The following OR51E2 variants were observed in gnomAD, a reference collection of about 807,000 sequenced individuals.
The protein encoded by OR51E2 is olfactory receptor 51E2.
Under a neutral mutation model 13.7 loss-of-function variants are expected in OR51E2, and 14 were observed. The observed-to-expected ratio is 1.02, with a 90% CI of 0.68 to 1.60. The LOEUF is 1.60. Among genes scored for constraint, OR51E2 ranks in the 40% most tolerant of loss-of-function variants. The probability of loss-of-function intolerance (pLI) is 0.00; values close to 1 mark genes in which losing one functional copy is unlikely to be tolerated. For synonymous variants in OR51E2, 180 were observed against 157.6 expected, an observed-to-expected ratio of 1.14 and a Z score of -1.07; for missense variants, 483 against 413.8, an observed-to-expected ratio of 1.17 and a Z score of -1.45.
At chr11:4,687,995 T>C (rs913925904) in intron 1 of OR51E2, among the ~76,000 whole-genome samples, 1 of 152,060 alleles carries the variant, frequency 6.6e-6, no homozygotes, top group Non-Finnish European at 1.5e-5. Flanking sequence ...GGGGAAGCAA[T>C]GAAGCTTAAG....
Position 4,681,360 on chromosome 11 carries a change from A to AT in OR51E2, c.*388_*389insA, listed in dbSNP as rs1847448005. 2 of 197,764 alleles carry AT rather than the reference A, an allele frequency of 1.0e-5. No homozygotes were observed. Among genetic ancestry groups the AT allele is most frequent in the Non-Finnish European group, 2.1e-5 (2 of 96,264 alleles). 12.3% of individuals were successfully genotyped at this position (197,764 alleles called of 1,614,324 possible). A position where few individuals can be genotyped will look rare whatever the true frequency, so the allele number is the denominator to read the frequency against. On this transcript the variant is annotated 3_prime_UTR_variant, in exon 2 of 2. Transcript: ENST00000396950. ...AGCGAGACCCCATCTCAAAAAAAAA[A>AT]AAAGTTGTATGTGACAGCTAACCAT...
chr11:4,687,849 G>A (rs919447100), intron 1 of OR51E2, among the ~76,000 whole-genome samples: 2 of 152,172 alleles, frequency 1.3e-5, no homozygotes, highest in Non-Finnish European at 2.9e-5. Context: ...CTGAAGGAGA[G>A]CCCCTTCTAT....
chr11:4,691,044 T>C (rs773816362), intron 1 of OR51E2: 1 of 456,590 alleles, frequency 2.2e-6, no homozygotes, highest in South Asian at 1.5e-5. Flanking sequence ...GATCAAAACA[T>C]AAGAAAGGAG....
intron 1 of OR51E2, among the ~76,000 whole-genome samples, chr11:4,695,331 G>C (rs1341021563): frequency 2.0e-5 from 3 of 151,910 alleles, no homozygotes; most frequent in South Asian, 2.1e-4. Context: ...TTGCTTTTTT[G>C]AAGTCTGCAA....
In OR51E2 at chr11:4,682,230, A is replaced by G. The variant is rs772658530; in HGVS notation, c.482T>C (p.Leu161Pro). ...GTGGCAGAAGGCCAGCCGCTTGATC[A>G]GCAGAGGCAGTGGGAAAAAAAAGAG... Reference protein sequence around the residue: ...GSLFFFPLPLLIKRLAFCHSN... With the variant: ...GSLFFFPLPLPIKRLAFCHSN... The change falls in exon 2 of 2, where the codon CTG becomes CCG. Residue 161 changes from leucine to proline, a missense_variant. By Grantham distance (98) the Leu-to-Pro change is moderately conservative (BLOSUM62 -3). Transcript: ENST00000396950. 10 of 1,614,188 alleles carry G rather than the reference A, an allele frequency of 6.2e-6. No individual in the cohort carries two copies. In the Admixed American group the frequency reaches 1.7e-4, roughly 27 times the overall value.
rs78028833 is a variant in OR51E2, at chr11:4,684,724, A to G, written c.-50-1963T>C. 3.0e-4 allele frequency among the ~76,000 whole-genome samples: 46 copies of G among 152,264 alleles called. No individual in the cohort carries two copies. In the East Asian group the frequency reaches 8.5e-3, roughly 28 times the overall value. ...TACCTGCACATGCTTACTCGAGTAT[A>G]GGACTTTAGGCTATCATCTCATTTC... On this transcript the variant is annotated intron_variant, in intron 1 of 1. Transcript: ENST00000396950.
At chr11:4,694,760 G>C (rs1847635941) in intron 1 of OR51E2, among the ~76,000 whole-genome samples, 1 of 152,074 alleles carries the variant, frequency 6.6e-6, no homozygotes, top group African/African-American at 2.4e-5. Flanking sequence ...ATAAGGATAG[G>C]ATGTATCTAA....
At chr11:4,692,081 G>A in intron 1 of OR51E2, 1 of 417,650 alleles carries the variant, frequency 2.4e-6, no homozygotes, top group East Asian at 7.1e-5. Flanking sequence ...TTGTGCTAAA[G>A]AGGTAGTGCA....
At position 4,697,077 on chromosome 11, in the gene OR51E2, G is replaced by A. The variant is rs1191847738; in HGVS notation, c.-51+576C>T. On this transcript the variant is annotated intron_variant, in intron 1 of 1. Transcript: ENST00000396950. The stretch of plus-strand genomic sequence containing the variant: ...TGTCATCATGTGACAAGTATTATTA[G>A]ATTCACTTTAAATTCATTTTTCTGG... Among the ~76,000 whole-genome samples the A allele has an allele frequency of 2.0e-5, 3 of 152,282 alleles. No individual in the cohort carries two copies. In the East Asian group the frequency reaches 5.8e-4, roughly 29 times the overall value.
intron 1 of OR51E2, among the ~76,000 whole-genome samples, chr11:4,687,050 C>T (rs1847525076): frequency 1.3e-5 from 2 of 152,038 alleles, no homozygotes; most frequent in Non-Finnish European, 2.9e-5. Flanking sequence ...TATCTCCATC[C>T]TTTTCCTTCA....
chr11:4,691,600 A>T (rs1486574606), intron 1 of OR51E2: 4 of 455,472 alleles, frequency 8.8e-6, no homozygotes, highest in South Asian at 6.2e-5. Context: ...ACAGAGAGGA[A>T]GCAGAAGGGA....
chr11:4,692,593 A>G (rs1405994046), intron 1 of OR51E2, among the ~76,000 whole-genome samples: 1 of 152,186 alleles, frequency 6.6e-6, no homozygotes, highest in Non-Finnish European at 1.5e-5. Flanking sequence ...AGAATTGCAG[A>G]AAGGTAGATA....
At chr11:4,691,287 G>T (rs540475066) in intron 1 of OR51E2, 26 of 457,110 alleles carry the variant, frequency 5.7e-5, no homozygotes, top group Non-Finnish European at 1.1e-4. Flanking sequence ...TCTGGAGTCA[G>T]TTAAAATCAT....
chr11:4,689,067 A>G (rs1168273079), intron 1 of OR51E2, among the ~76,000 whole-genome samples: 1 of 152,224 alleles, frequency 6.6e-6, no homozygotes, highest in Non-Finnish European at 1.5e-5. Context: ...TTTTGTCAGC[A>G]TAGAGATGGT....
rs1280940223 is a variant in OR51E2 at position 4,682,100 on chromosome 11, C to T, written c.612G>A (p.Leu204=). 1.2e-6 allele frequency: 2 copies of T among 1,614,086 alleles called. No homozygotes were observed. Among genetic ancestry groups the T allele is most frequent in the South Asian group, 2.2e-5 (2 of 91,084 alleles). The change falls in exon 2 of 2, where the codon CTG becomes CTA. Residue 204 remains leucine, a synonymous_variant. Coordinates refer to ENST00000396950, the MANE Select transcript of OR51E2 (RefSeq NM_030774.4). Reference sequence around the variant, plus strand: ...TGAACATTACGTCCACGCCCATGACCAGCAGAATGGCAGTAAGACCATATA... The same window carrying T: ...TGAACATTACGTCCACGCCCATGACTAGCAGAATGGCAGTAAGACCATATA... ...NVVYGLTAIL[L]VMGVDVMFIS...
At chr11:4,696,985 A>G (rs1847663320) in intron 1 of OR51E2, among the ~76,000 whole-genome samples, 1 of 152,238 alleles carries the variant, frequency 6.6e-6, no homozygotes, top group South Asian at 2.1e-4. Context: ...GCTACCATTT[A>G]CTGGACACGT....
At chr11:4,696,209 A>C (rs1847654142) in intron 1 of OR51E2, among the ~76,000 whole-genome samples, 1 of 152,192 alleles carries the variant, frequency 6.6e-6, no homozygotes, top group Non-Finnish European at 1.5e-5. Flanking sequence ...ATCTCTACCC[A>C]TCATCACTCA....
At chr11:4,683,666 A>T (rs1462987280) in intron 1 of OR51E2, among the ~76,000 whole-genome samples, 2 of 152,206 alleles carry the variant, frequency 1.3e-5, no homozygotes, top group Admixed American at 6.5e-5. Flanking sequence ...TTTTACAATG[A>T]TATTTTTAGA....
chr11:4,692,075 G>C (rs552511142), intron 1 of OR51E2: 36 of 410,518 alleles, frequency 8.8e-5, no homozygotes, highest in African/African-American at 1.5e-4. Context: ...TTTAAATTGT[G>C]CTAAAGAGGT....
Sources: allele counts gnomAD v4.1 joint callset (sites outside exome capture counted in the v4.1 genomes callset), GRCh38; gene constraint gnomAD v4.1.1; transcripts MANE v1.5; gene names NCBI Gene and HGNC (gene_info 2026-07-23, HGNC 2026-07-21).